The following WASF1 variants were observed in gnomAD, a reference collection of about 807,000 sequenced individuals.
WASF1 encodes the protein actin-binding protein WASF1.
WASF1 carries 7 observed loss-of-function variants against 50.5 expected under a neutral mutation model. That is an observed-to-expected ratio of 0.14 (90% CI 0.08 to 0.26). WASF1 has a LOEUF of 0.26. Ranked by LOEUF, WASF1 falls within the 10% of genes least tolerant of loss-of-function variation. The pLI is 1.00. For missense variants in WASF1, 470 were observed against 694.7 expected, an observed-to-expected ratio of 0.68 and a Z score of 3.64; for synonymous variants, 205 against 244.0, an observed-to-expected ratio of 0.84 and a Z score of 1.49.
intron 3 of WASF1, among the ~76,000 whole-genome samples, chr6:110,138,174 G>C (rs909538938): frequency 6.6e-6 from 1 of 152,254 alleles, no homozygotes; most frequent in Admixed American, 6.5e-5. Context: ...AGCTCCAGGT[G>C]CTGGCACAGG....
rs1773661863 is a variant in WASF1, at chr6:110,113,519, C to A, written c.134-59G>T. ...AACATCCAGAGCACTGAGTTTTTAT[C>A]TTTGCAAGCAGTAGAAATCTAGCAT... On this transcript the variant is annotated intron_variant, in intron 4 of 10. Transcript: ENST00000392589. 6 of 1,442,054 alleles carry A rather than the reference C, an allele frequency of 4.2e-6. No individual in the cohort carries two copies. The South Asian group carries it at 5.8e-5, about 14-fold the overall frequency. 89.3% of individuals were successfully genotyped at this position (1,442,054 alleles called of 1,614,324 possible). A position where few individuals can be genotyped will look rare whatever the true frequency, so the allele number is the denominator to read the frequency against.
chr6:110,120,860 C>A (rs1473622013), intron 4 of WASF1, among the ~76,000 whole-genome samples: 1 of 152,118 alleles, frequency 6.6e-6, no homozygotes, highest in African/African-American at 2.4e-5. Context: ...TGGAACAGAA[C>A]AGAGCCCTCA....
intron 3 of WASF1, among the ~76,000 whole-genome samples, chr6:110,155,020 T>C (rs1006060701): frequency 6.6e-6 from 1 of 152,058 alleles, no homozygotes; most frequent in African/African-American, 2.4e-5. Context: ...AATAGATACT[T>C]CTGAAAGAGA....
chr6:110,147,298 A>C (rs1182592962), intron 3 of WASF1, among the ~76,000 whole-genome samples: 1 of 151,312 alleles, frequency 6.6e-6, no homozygotes, highest in Non-Finnish European at 1.5e-5. Context: ...GTGAGCCGAG[A>C]TCATGCCACT....
intron 8 of WASF1, among the ~76,000 whole-genome samples, chr6:110,104,843 T>C (rs6940347): frequency 0.073 from 11,102 of 152,200 alleles, 548 homozygotes; most frequent in African/African-American, 0.14. Flanking sequence ...CGTAGACAGA[T>C]GCCAGTTTAA....
rs1775152717 is a variant in WASF1, at chr6:110,139,974, T to G, written c.-28-12345A>C. 2.0e-5 allele frequency among the ~76,000 whole-genome samples: 3 copies of G among 152,326 alleles called. No individual in the cohort carries two copies. In the South Asian group the frequency reaches 6.2e-4, roughly 32 times the overall value. ...GTAATATTATGAAATATTTATTTGGTTGGCTTTCCACCCAATTTTCTGGGA... is the reference window on the plus strand; with the variant it reads ...GTAATATTATGAAATATTTATTTGGGTGGCTTTCCACCCAATTTTCTGGGA... On this transcript the variant is annotated intron_variant, in intron 3 of 10. Coordinates refer to ENST00000392589, the MANE Select transcript of WASF1 (RefSeq NM_003931.3).
chr6:110,114,554 T>A (rs1229434083), intron 4 of WASF1, among the ~76,000 whole-genome samples: 1 of 152,088 alleles, frequency 6.6e-6, no homozygotes. Flanking sequence ...CAAGAAAGCA[T>A]ACATACAGAC....
intron 4 of WASF1, among the ~76,000 whole-genome samples, chr6:110,124,634 T>C (rs1326441391): frequency 6.6e-6 from 1 of 152,078 alleles, no homozygotes; most frequent in Non-Finnish European, 1.5e-5. Context: ...TGGCTGGGTA[T>C]GGTGGCTCAC....
intron 2 of WASF1, among the ~76,000 whole-genome samples, chr6:110,176,890 G>C (rs1776951785): frequency 6.6e-6 from 1 of 152,042 alleles, no homozygotes; most frequent in Non-Finnish European, 1.5e-5. Context: ...TCTATATGAA[G>C]TTTTCTCACA....
At chr6:110,147,616 T>C (rs1000235217) in intron 3 of WASF1, among the ~76,000 whole-genome samples, 1 of 152,218 alleles carries the variant, frequency 6.6e-6, no homozygotes, top group African/African-American at 2.4e-5. Flanking sequence ...ATCCACTAAA[T>C]AGTAGTATTT....
Position 110,099,899 on chromosome 6 carries a change from T to C in WASF1, c.*623A>G, listed in dbSNP as rs1470447129. On this transcript the variant is annotated 3_prime_UTR_variant, in exon 11 of 11. Coordinates refer to ENST00000392589, the MANE Select transcript of WASF1 (RefSeq NM_003931.3). The stretch of plus-strand genomic sequence containing the variant: ...AGTTACATGTATGTTTAAGTCAGAG[T>C]ATTTCACATGGAAAAGTTTTTAACT... The C allele has an allele frequency of 1.3e-5, 2 of 152,626 alleles. No homozygotes were observed. The highest frequency in any genetic ancestry group is 1.3e-4 in the Admixed American group (2 of 15,276). 9.5% of individuals were successfully genotyped at this position (152,626 alleles called of 1,614,324 possible).
At chr6:110,143,071 G>A (rs761506402) in intron 3 of WASF1, among the ~76,000 whole-genome samples, 11 of 151,014 alleles carry the variant, frequency 7.3e-5, no homozygotes, top group Non-Finnish European at 1.6e-4. Flanking sequence ...TTGAGAGTAC[G>A]TAAACTAAAG....
chr6:110,103,422 TGGTGGAGGTGGA>T lies in WASF1; in HGVS notation c.837_848del (p.Pro280_Pro283del). 6.2e-7 allele frequency: 1 copy of T among 1,613,996 alleles called. No homozygotes were observed. ...GTTTTGCATCTCCTGCTCCATGCAT[TGGTGGAGGTGGA>T]GGTGGTTCATGTGGTCTGACTAATA... On this transcript the variant is annotated inframe_deletion, in exon 9 of 11. Transcript: ENST00000392589.
chr6:110,119,644 T>C (rs1054300143), intron 4 of WASF1, among the ~76,000 whole-genome samples: 86 of 152,312 alleles, frequency 5.6e-4, no homozygotes, highest in African/African-American at 2.0e-3. Flanking sequence ...CTTCTAAAAC[T>C]ATTTCAATCA....
At chr6:110,123,327 C>T (rs746429778) in intron 4 of WASF1, among the ~76,000 whole-genome samples, 1 of 151,446 alleles carries the variant, frequency 6.6e-6, no homozygotes, top group Non-Finnish European at 1.5e-5. Context: ...CCTCTTGTTA[C>T]AACTTCTGAA....
At chr6:110,146,082 T>C (rs1775547496) in intron 3 of WASF1, among the ~76,000 whole-genome samples, 1 of 152,094 alleles carries the variant, frequency 6.6e-6, no homozygotes, top group Non-Finnish European at 1.5e-5. Context: ...CGTATACATA[T>C]GTAACAAACC....
Position 110,134,454 on chromosome 6 carries a change from C to T in WASF1, c.-28-6825G>A, listed in dbSNP as rs372649984. On this transcript the variant is annotated intron_variant, in intron 3 of 10. Coordinates refer to ENST00000392589, the MANE Select transcript of WASF1 (RefSeq NM_003931.3). ...TTTTTCTTTTTTGGAGATGGAGTTT[C>T]GCTCTTGTTGCCCAGACTGGAGTGC... 2.2e-4 allele frequency among the ~76,000 whole-genome samples: 32 copies of T among 147,724 alleles called. No homozygotes were observed. In the East Asian group the frequency reaches 4.6e-3, roughly 21 times the overall value.
chr6:110,142,633 A>G (rs1360907604), intron 3 of WASF1, among the ~76,000 whole-genome samples: 1 of 152,170 alleles, frequency 6.6e-6, no homozygotes, highest in Non-Finnish European at 1.5e-5. Context: ...TTTTAAAAAA[A>G]TCAAAAAACA....
intron 3 of WASF1, among the ~76,000 whole-genome samples, chr6:110,136,365 G>T (rs573946120): frequency 6.6e-6 from 1 of 152,130 alleles, no homozygotes; most frequent in African/African-American, 2.4e-5. Context: ...TACTGAAAAA[G>T]AATATACATT....
Sources: gnomAD v4.1 joint callset for allele counts (sites outside exome capture counted in the v4.1 genomes callset) on GRCh38, gnomAD v4.1.1 for gene constraint, MANE v1.5 for transcripts, NCBI Gene and HGNC (gene_info 2026-07-23, HGNC 2026-07-21) for gene names.